The following JARID2 variants were observed in gnomAD, a reference collection of about 807,000 sequenced individuals.
The protein encoded by JARID2 is jumonji and AT-rich interaction domain containing 2.
JARID2 carries 21 observed loss-of-function variants against 125.6 expected under a neutral mutation model. The ratio of observed to expected loss-of-function variants is 0.17; its 90% confidence interval spans 0.12 to 0.24. The LOEUF is 0.24. JARID2 is among the 10% of genes least tolerant of loss of function. The pLI, the probability that JARID2 is intolerant of heterozygous loss-of-function variation, is 1.00. For missense variants in JARID2, 1,303 were observed against 1,639.6 expected (o/e 0.79, Z 3.55); for synonymous variants, 736 against 661.6 (o/e 1.11, Z -1.73).
rs190556655 is a variant in JARID2, at chr6:15,283,185, A to C, written c.45+36601A>C. Among the ~76,000 whole-genome samples, 1,360 of 147,958 alleles carry C rather than the reference A, an allele frequency of 9.2e-3. 29 individuals are homozygous for C. Among genetic ancestry groups the C allele is most frequent in the African/African-American group, 0.032 (1,295 of 39,918 alleles). On this transcript the variant is annotated intron_variant, in intron 1 of 17. Transcript: ENST00000341776. ...ATTAGAGACGGGGTTTCACCGTGTTAGCCAGGACGGTCTCGATCTGCCGAC... is the reference window on the plus strand; with the variant it reads ...ATTAGAGACGGGGTTTCACCGTGTTCGCCAGGACGGTCTCGATCTGCCGAC...
intron 1 of JARID2, among the ~76,000 whole-genome samples, chr6:15,254,468 G>A (rs570460879): frequency 6.6e-6 from 1 of 152,306 alleles, no homozygotes; most frequent in East Asian, 1.9e-4. Context: ...CTGTCCAGAT[G>A]TGTTAATGAG....
chr6:15,450,102 A>G (rs1299225278), intron 3 of JARID2, among the ~76,000 whole-genome samples: 1 of 152,162 alleles, frequency 6.6e-6, no homozygotes, highest in Non-Finnish European at 1.5e-5. Flanking sequence ...TTACTATTTT[A>G]TATAATCCAC....
chr6:15,428,572 C>T (rs1043317670), intron 3 of JARID2, among the ~76,000 whole-genome samples: 1 of 152,090 alleles, frequency 6.6e-6, no homozygotes, highest in South Asian at 2.1e-4. Flanking sequence ...TTTCCAGCTT[C>T]ATCCATGTCC....
At chr6:15,488,444 G>A (rs1261099313) in intron 6 of JARID2, among the ~76,000 whole-genome samples, 1 of 152,190 alleles carries the variant, frequency 6.6e-6, no homozygotes, top group Non-Finnish European at 1.5e-5. Context: ...TCCTCACAGA[G>A]TTAAAAATAG....
rs6938807 is a variant in JARID2 at position 15,425,300 on chromosome 6, T to C, written c.323+14935T>C. On this transcript the variant is annotated intron_variant, in intron 3 of 17. Coordinates refer to ENST00000341776, the MANE Select transcript of JARID2 (RefSeq NM_004973.4). ...ATATGCATAGGTGCTAATTTGTAAA[T>C]GAAAACGCATGCTAATAGTTTTCTC... Among the ~76,000 whole-genome samples, 956 of 152,312 alleles carry C rather than the reference T, an allele frequency of 6.3e-3. 14 individuals carry two copies. Among genetic ancestry groups the C allele is most frequent in the African/African-American group, 0.021 (893 of 41,558 alleles).
At chr6:15,453,100 A>G (rs954630885) in intron 4 of JARID2, among the ~76,000 whole-genome samples, 1 of 152,204 alleles carries the variant, frequency 6.6e-6, no homozygotes, top group Non-Finnish European at 1.5e-5. Context: ...CTTTCCTTCA[A>G]ATAAGTACAT....
At chr6:15,378,063 A>G (rs191184507) in intron 2 of JARID2, among the ~76,000 whole-genome samples, 331 of 150,458 alleles carry the variant, frequency 2.2e-3, no homozygotes, top group Non-Finnish European at 3.7e-3. Context: ...TTTTTTGTGT[A>G]TTTTTAGTAG....
intron 1 of JARID2, among the ~76,000 whole-genome samples, chr6:15,261,783 G>A (rs779318022): frequency 1.4e-5 from 2 of 139,232 alleles, no homozygotes; most frequent in African/African-American, 2.9e-5. Context: ...CAAATTCAGG[G>A]ATTTTTTTTT....
intron 5 of JARID2, among the ~76,000 whole-genome samples, chr6:15,475,774 C>T (rs1769313117): frequency 6.6e-6 from 1 of 152,204 alleles, no homozygotes; most frequent in African/African-American, 2.4e-5. Flanking sequence ...CTTCCCTCCT[C>T]ACACCTCAGT....
chr6:15,494,516 C>T (rs1293005137), intron 6 of JARID2, among the ~76,000 whole-genome samples: 5 of 148,126 alleles, frequency 3.4e-5, no homozygotes, highest in Admixed American at 6.9e-5. Flanking sequence ...TCACGCCGTT[C>T]TTCTGCCTCA....
chr6:15,346,526 G>A (rs1763249693), intron 1 of JARID2, among the ~76,000 whole-genome samples: 2 of 152,122 alleles, frequency 1.3e-5, no homozygotes, highest in African/African-American at 2.4e-5. Flanking sequence ...AGGCTTTGGT[G>A]TGGCTTTTTT....
intron 1 of JARID2, among the ~76,000 whole-genome samples, chr6:15,332,635 G>C (rs1489924594): frequency 5.3e-5 from 8 of 152,142 alleles, no homozygotes; most frequent in Admixed American, 3.9e-4. Context: ...GGCGCTACTT[G>C]TGTAAGTCCA....
chr6:15,257,882 A>C (rs1759727800), intron 1 of JARID2, among the ~76,000 whole-genome samples: 1 of 152,240 alleles, frequency 6.6e-6, no homozygotes, highest in Non-Finnish European at 1.5e-5. Flanking sequence ...ATGAGATAAG[A>C]TATGTGAAAG....
At position 15,509,127 on chromosome 6, in the gene JARID2, T is replaced by G. The variant is rs1403031007; in HGVS notation, c.2846+673T>G. 4 of 1,288,982 alleles carry G rather than the reference T, an allele frequency of 3.1e-6. No individual in the cohort carries two copies. The East Asian group carries it at 2.2e-4, about 72-fold the overall frequency. 79.8% of individuals were successfully genotyped at this position (1,288,982 alleles called of 1,614,324 possible). A position where few individuals can be genotyped will look rare whatever the true frequency, so the allele number is the denominator to read the frequency against. On this transcript the variant is annotated intron_variant, in intron 12 of 17. Transcript: ENST00000341776. ...TCCCCGCCTGTAATCTGACTCTCAC[T>G]GTAGCCATCCCTGATTGAGGCTGGG...
intron 3 of JARID2, among the ~76,000 whole-genome samples, chr6:15,412,711 G>A (rs1469451809): frequency 6.6e-6 from 1 of 152,132 alleles, no homozygotes; most frequent in Non-Finnish European, 1.5e-5. Context: ...TAGTGGGTTG[G>A]GTATGAACCC....
chr6:15,267,408 A>G (rs535397025), intron 1 of JARID2, among the ~76,000 whole-genome samples: 1 of 152,350 alleles, frequency 6.6e-6, no homozygotes, highest in South Asian at 2.1e-4. Context: ...AAGCCTAACC[A>G]ACTGGTTATA....
intron 3 of JARID2, among the ~76,000 whole-genome samples, chr6:15,424,396 C>T (rs1766633181): frequency 1.3e-5 from 2 of 152,156 alleles, no homozygotes; most frequent in South Asian, 4.1e-4. Flanking sequence ...TTTTTCTAGC[C>T]CAGTCTTATA....
intron 3 of JARID2, among the ~76,000 whole-genome samples, chr6:15,441,217 G>A (rs1053376028): frequency 2.0e-5 from 3 of 152,162 alleles, no homozygotes; most frequent in Non-Finnish European, 1.5e-5. Context: ...TATATTCCTA[G>A]ATGTTTTCCA....
At chr6:15,413,309 G>C (rs991964857) in intron 3 of JARID2, among the ~76,000 whole-genome samples, 4 of 152,058 alleles carry the variant, frequency 2.6e-5, no homozygotes, top group African/African-American at 7.2e-5. Flanking sequence ...CACTGTGCCC[G>C]GCAGGGAAGA....
Sources: gnomAD v4.1 joint callset for allele counts (sites outside exome capture counted in the v4.1 genomes callset) on GRCh38, gnomAD v4.1.1 for gene constraint, MANE v1.5 for transcripts, NCBI Gene and HGNC (gene_info 2026-07-23, HGNC 2026-07-21) for gene names.